Variants in ITGB1 observed in about 807,000 individuals in gnomAD.
ITGB1 encodes the protein integrin beta-1.
Under a neutral mutation model 86.5 loss-of-function variants are expected in ITGB1, and 24 were observed. The observed-to-expected ratio is 0.28, with a 90% CI of 0.20 to 0.39. ITGB1 has a LOEUF of 0.39. ITGB1 is among the 10% of genes least tolerant of loss of function. ITGB1 has a pLI of 1.00. For synonymous variants in ITGB1, 323 were observed against 316.8 expected (o/e 1.02, Z -0.21); for missense variants, 556 against 946.9 (o/e 0.59, Z 5.42).
intron 15 of ITGB1, among the ~76,000 whole-genome samples, chr10:32,904,206 T>G (rs976961190): frequency 1.3e-5 from 2 of 152,158 alleles, no homozygotes; most frequent in Non-Finnish European, 2.9e-5. Flanking sequence ...CTATCTGTAT[T>G]AGGCATCATT....
intron 14 of ITGB1, among the ~76,000 whole-genome samples, chr10:32,909,820 C>A (rs1350837735): frequency 3.3e-5 from 5 of 151,594 alleles, no homozygotes; most frequent in East Asian, 3.9e-4. Context: ...AGAAGTTGAA[C>A]AAATTCAACA....
intron 1 of ITGB1, among the ~76,000 whole-genome samples, chr10:32,950,857 A>C (rs1362446840): frequency 6.6e-6 from 1 of 152,234 alleles, no homozygotes; most frequent in Non-Finnish European, 1.5e-5. Flanking sequence ...CAACACGGCG[A>C]GATACTTTAA....
intron 1 of ITGB1, among the ~76,000 whole-genome samples, chr10:32,939,939 A>G (rs772726413): frequency 2.0e-5 from 3 of 152,210 alleles, no homozygotes; most frequent in Non-Finnish European, 4.4e-5. Flanking sequence ...CCTGTCTCCA[A>G]TGACACATGG....
At chr10:32,947,947 A>G (rs1399445388) in intron 1 of ITGB1, among the ~76,000 whole-genome samples, 1 of 152,228 alleles carries the variant, frequency 6.6e-6, no homozygotes, top group African/African-American at 2.4e-5. Flanking sequence ...GATCATTACC[A>G]AATGTTACAG....
intron 1 of ITGB1, among the ~76,000 whole-genome samples, chr10:32,941,942 T>TG (rs1459200322): frequency 6.6e-6 from 1 of 152,130 alleles, no homozygotes; most frequent in African/African-American, 2.4e-5. Context: ...AGATGCCTAT[T>TG]GGGAAGCTAG....
rs1167251287 is a variant in ITGB1 at position 32,920,028 on chromosome 10, G to A, written c.1326C>T (p.Ser442=). The change falls in exon 11 of 16, where the codon AGC becomes AGT. Residue 442 remains serine (S), a synonymous_variant. Coordinates refer to ENST00000302278, the MANE Select transcript of ITGB1 (RefSeq NM_002211.4). The part of the protein sequence containing the change: ...SNKCPKKDSD[S]FKIRPLGFTE... The stretch of plus-strand genomic sequence containing the variant: ...TAAAGCCCAGAGGCCTAATTTTAAA[G>A]CTGTCAGAATCCTTTTTTGGACACT... 1.2e-6 allele frequency: 2 copies of A among 1,613,862 alleles called. No individual in the cohort carries two copies. The highest frequency in any genetic ancestry group is 1.7e-6 in the Non-Finnish European group (2 of 1,179,932).
At chr10:32,923,288 T>C (rs985535585) in intron 7 of ITGB1, among the ~76,000 whole-genome samples, 7 of 152,206 alleles carry the variant, frequency 4.6e-5, no homozygotes, top group Admixed American at 4.6e-4. Context: ...GAAAGAGTAC[T>C]GACTGTGCTA....
At chr10:32,910,990 C>T (rs988641162) in intron 13 of ITGB1, among the ~76,000 whole-genome samples, 2 of 152,102 alleles carry the variant, frequency 1.3e-5, no homozygotes, top group African/African-American at 4.8e-5. Flanking sequence ...CCACCTGTCT[C>T]GGCCTTCCAA....
intron 6 of ITGB1, among the ~76,000 whole-genome samples, chr10:32,925,034 T>G (rs1199190222): frequency 6.6e-6 from 1 of 152,134 alleles, no homozygotes; most frequent in African/African-American, 2.4e-5. Context: ...TGGGCATCAA[T>G]TAGCACCTTA....
At chr10:32,954,093 C>A (rs1181944086) in intron 1 of ITGB1, among the ~76,000 whole-genome samples, 1 of 152,132 alleles carries the variant, frequency 6.6e-6, no homozygotes, top group African/African-American at 2.4e-5. Flanking sequence ...ATAGCTTCAA[C>A]CAGCAATAGA....
chr10:32,930,265 C>A (rs1313681016), intron 3 of ITGB1, among the ~76,000 whole-genome samples: 1 of 152,100 alleles, frequency 6.6e-6, no homozygotes, highest in East Asian at 1.9e-4. Context: ...CCAGAACTGA[C>A]CCAAGTGTAC....
At chr10:32,942,231 T>G (rs2095019990) in intron 1 of ITGB1, among the ~76,000 whole-genome samples, 2 of 152,132 alleles carry the variant, frequency 1.3e-5, no homozygotes, top group Admixed American at 1.3e-4. Context: ...GCCTTTCTTC[T>G]AAGGCAGAGC....
chr10:32,913,757 G>A (rs969727029), intron 11 of ITGB1, among the ~76,000 whole-genome samples: 5 of 152,202 alleles, frequency 3.3e-5, no homozygotes, highest in African/African-American at 1.2e-4. Context: ...ATATTATCCA[G>A]GAGAACTTCC....
Position 32,913,434 on chromosome 10 carries a change from G to A in ITGB1, c.1470-1310C>T, listed in dbSNP as rs147704794. On this transcript the variant is annotated intron_variant, in intron 11 of 15. Transcript: ENST00000302278. Reference sequence around the variant, plus strand: ...TAAAAACCTTGAAAAAAGACTAGACGAATGGCTAATTAGAATAAAGAGCGT... The same window carrying A: ...TAAAAACCTTGAAAAAAGACTAGACAAATGGCTAATTAGAATAAAGAGCGT... Among the ~76,000 whole-genome samples, 300 of 152,198 alleles carry A rather than the reference G, an allele frequency of 2.0e-3. 3 individuals carry two copies. The highest frequency in any genetic ancestry group is 6.8e-3 in the African/African-American group (284 of 41,540).
chr10:32,915,152 A>T (rs1371525835), intron 11 of ITGB1, among the ~76,000 whole-genome samples: 71 of 152,220 alleles, frequency 4.7e-4, no homozygotes, highest in Non-Finnish European at 5.9e-5. Flanking sequence ...AATCTCTGGG[A>T]CACATTTAAA....
chr10:32,913,250 C>G (rs1462813156), intron 11 of ITGB1, among the ~76,000 whole-genome samples: 1 of 152,162 alleles, frequency 6.6e-6, no homozygotes, highest in African/African-American at 2.4e-5. Context: ...AAAATTTGAG[C>G]ACCTCTTCTC....
At chr10:32,957,852 C>G (rs1360524628) in intron 1 of ITGB1, 1 of 152,154 alleles carries the variant, frequency 6.6e-6, no homozygotes, top group Non-Finnish European at 1.5e-5. Context: ...TGACAGCGCC[C>G]AGGCCGGCGA....
chr10:32,931,701 C>T (rs1017312087), intron 3 of ITGB1, among the ~76,000 whole-genome samples: 1 of 152,064 alleles, frequency 6.6e-6, no homozygotes, highest in African/African-American at 2.4e-5. Flanking sequence ...GACACTTGAC[C>T]ACTTAGGCAT....
intron 1 of ITGB1, among the ~76,000 whole-genome samples, chr10:32,947,432 C>CGTGTGTGT (rs1186872641): frequency 0.15 from 20,168 of 137,178 alleles, 1,742 homozygotes; most frequent in East Asian, 0.24. Flanking sequence ...CACATATAGC[C>CGTGTGTGT]GTGTGTGTGT....
Sources: allele counts gnomAD v4.1 joint callset (sites outside exome capture counted in the v4.1 genomes callset), GRCh38; gene constraint gnomAD v4.1.1; transcripts MANE v1.5; gene names NCBI Gene and HGNC (gene_info 2026-07-23, HGNC 2026-07-21).